Variants in PRKN observed in about 807,000 individuals in gnomAD.
PRKN encodes parkin RBR E3 ubiquitin protein ligase, also known as E3 ubiquitin-protein ligase parkin.
Under a neutral mutation model 59.5 loss-of-function variants are expected in PRKN, and 56 were observed. The ratio of observed to expected loss-of-function variants is 0.94; its 90% confidence interval spans 0.76 to 1.18. The LOEUF is 1.18. Among genes scored for constraint, PRKN ranks in the 50% most tolerant of loss-of-function variants. The probability of loss-of-function intolerance (pLI) is 0.00; values close to 1 mark genes in which losing one functional copy is unlikely to be tolerated. For missense variants in PRKN, 657 were observed against 596.4 expected, an observed-to-expected ratio of 1.10 and a Z score of -1.06; for synonymous variants, 250 against 222.1, an observed-to-expected ratio of 1.13 and a Z score of -1.12.
chr6:162,274,172 A>AATTAATTT (rs1439630044), intron 2 of PRKN, among the ~76,000 whole-genome samples: 11 of 151,494 alleles, frequency 7.3e-5, no homozygotes, highest in African/African-American at 2.2e-4. Context: ...TTAATTTATT[A>AATTAATTT]ATTTATTAAT....
chr6:162,073,902 G>A (rs1285398038), intron 4 of PRKN, among the ~76,000 whole-genome samples: 1 of 152,194 alleles, frequency 6.6e-6, no homozygotes, highest in African/African-American at 2.4e-5. Flanking sequence ...AAAGTCACAT[G>A]GAGAAATGCA....
At chr6:162,125,587 A>G (rs1781093002) in intron 4 of PRKN, among the ~76,000 whole-genome samples, 1 of 152,008 alleles carries the variant, frequency 6.6e-6, no homozygotes, top group African/African-American at 2.4e-5. Context: ...TCCCATACCT[A>G]TTTTCTTGTC....
intron 1 of PRKN, among the ~76,000 whole-genome samples, chr6:162,548,823 T>A (rs1954803): frequency 6.6e-6 from 1 of 152,136 alleles, no homozygotes; most frequent in African/African-American, 2.4e-5. Flanking sequence ...GTTAAATAAC[T>A]TGACATTTTA....
chr6:162,178,256 G>A lies in PRKN; in HGVS notation c.534+22875C>T, dbSNP rs76449029. 9.7e-4 allele frequency among the ~76,000 whole-genome samples: 147 copies of A among 152,288 alleles called. 4 individuals carry two copies. In the East Asian group the frequency reaches 0.023, roughly 24 times the overall value. On this transcript the variant is annotated intron_variant, in intron 4 of 11. Transcript: ENST00000366898. ...TGGATTGTCAAACCCTTACTGCAGA[G>A]AGGACTTTCACAGAAACAGTTCTAT...
chr6:162,628,259 G>A (rs1782975637), intron 1 of PRKN, among the ~76,000 whole-genome samples: 1 of 152,042 alleles, frequency 6.6e-6, no homozygotes, highest in South Asian at 2.1e-4. Context: ...TAAGGTAAAG[G>A]GAACTTAAAC....
chr6:161,352,771 A>ATATATATATATTTTT lies in PRKN; in HGVS notation c.1286-2561_1286-2560insAAAAATATATATATA, dbSNP rs34279714. ...TGTGTGTGTGTATATATATATATATATTTTATTTTATTTTATTTTATTTTT... is the reference window on the plus strand; with the variant it reads ...TGTGTGTGTGTATATATATATATATATATATATATATTTTTTTTTATTTTATTTTATTTTATTTTT... On this transcript the variant is annotated intron_variant, in intron 11 of 11. Transcript: ENST00000366898. The surrounding 1 kb of genome is among the most constrained non-coding windows in gnomAD (Gnocchi z 5.8). Among the ~76,000 whole-genome samples the ATATATATATATTTTT allele has an allele frequency of 3.4e-5, 4 of 116,900 alleles. No individual in the cohort carries two copies. The East Asian group carries it at 6.0e-4, about 18-fold the overall frequency. 76.7% of individuals were successfully genotyped at this position (116,900 alleles called of 152,430 possible). A position where few individuals can be genotyped will look rare whatever the true frequency, so the allele number is the denominator to read the frequency against.
chr6:162,225,542 A>T lies in PRKN; in HGVS notation c.413-24290T>A, dbSNP rs574686091. On this transcript the variant is annotated intron_variant, in intron 3 of 11. Coordinates refer to ENST00000366898, the MANE Select transcript of PRKN (RefSeq NM_004562.3). ...TAATCTAACCTTCTTTTTCATACTA[A>T]CCTGACACTGATGTGGCCAAAGAGA... 2.1e-3 allele frequency among the ~76,000 whole-genome samples: 321 copies of T among 152,270 alleles called. 1 individual carries two copies. Among genetic ancestry groups the T allele is most frequent in the African/African-American group, 7.4e-3 (308 of 41,558 alleles).
intron 1 of PRKN, among the ~76,000 whole-genome samples, chr6:162,590,411 G>A (rs13200053): frequency 0.1 from 15,581 of 152,148 alleles, 940 homozygotes; most frequent in Middle Eastern, 0.19. Flanking sequence ...TTCCAACTTT[G>A]TATCAACCTT....
intron 6 of PRKN, among the ~76,000 whole-genome samples, chr6:161,856,347 T>A (rs763734052): frequency 3.0e-5 from 4 of 134,814 alleles, no homozygotes; most frequent in Non-Finnish European, 6.6e-5. Context: ...TCAATGAGAG[T>A]GAAATGCCAT....
intron 2 of PRKN, among the ~76,000 whole-genome samples, chr6:162,305,936 A>T (rs957060654): frequency 6.6e-6 from 1 of 152,050 alleles, no homozygotes; most frequent in Non-Finnish European, 1.5e-5. Flanking sequence ...TGTTGATATC[A>T]TCTCTTTTCT....
At chr6:162,203,707 C>A (rs974551189) in intron 3 of PRKN, among the ~76,000 whole-genome samples, 1 of 152,144 alleles carries the variant, frequency 6.6e-6, no homozygotes, top group Non-Finnish European at 1.5e-5. Flanking sequence ...ACCTGAGAAA[C>A]CTTTCTTGTG....
At chr6:162,038,395 C>A (rs1191969086) in intron 5 of PRKN, among the ~76,000 whole-genome samples, 2 of 152,110 alleles carry the variant, frequency 1.3e-5, no homozygotes, top group Admixed American at 6.5e-5. Context: ...ATAATAACTA[C>A]AATTTATTGA....
intron 7 of PRKN, among the ~76,000 whole-genome samples, chr6:161,681,221 CA>C: frequency 6.6e-6 from 1 of 152,136 alleles, no homozygotes; most frequent in Non-Finnish European, 1.5e-5. Context: ...CTGTGCCTCC[CA>C]AAGTGCTGGG....
chr6:161,892,112 C>T (rs1234752223), intron 6 of PRKN, among the ~76,000 whole-genome samples: 2 of 152,194 alleles, frequency 1.3e-5, no homozygotes, highest in African/African-American at 4.8e-5. Context: ...AAATTCTCAT[C>T]TTCCCTAAGT....
chr6:162,727,611 C>G, intron 1 of PRKN, 51 bp downstream of exon 1: 5 of 1,559,926 alleles, frequency 3.2e-6, no homozygotes, highest in Non-Finnish European at 2.6e-6. Flanking sequence ...TGGCGCCATA[C>G]CGGGGCGTGG....
At chr6:162,685,395 AT>A (rs1438131399) in intron 1 of PRKN, among the ~76,000 whole-genome samples, 2 of 152,088 alleles carry the variant, frequency 1.3e-5, no homozygotes, top group African/African-American at 2.4e-5. Context: ...AAAAGTATAT[AT>A]TTTTCATACA....
intron 2 of PRKN, among the ~76,000 whole-genome samples, chr6:162,359,931 T>C (rs1182119925): frequency 6.6e-6 from 1 of 152,168 alleles, no homozygotes; most frequent in African/African-American, 2.4e-5. Context: ...CTTTTATAAT[T>C]GGCTTATATT....
intron 1 of PRKN, among the ~76,000 whole-genome samples, chr6:162,548,213 C>T (rs1432096248): frequency 6.6e-6 from 1 of 152,118 alleles, no homozygotes; most frequent in South Asian, 2.1e-4. Flanking sequence ...GTGCACGCCA[C>T]TACGCCCAGC....
intron 10 of PRKN, among the ~76,000 whole-genome samples, chr6:161,366,763 C>A (rs987381572): frequency 6.6e-6 from 1 of 152,100 alleles, no homozygotes. Flanking sequence ...AACTTGTAAC[C>A]AGCCCGGGTG....
Sources: gnomAD v4.1 joint callset for allele counts (sites outside exome capture counted in the v4.1 genomes callset) on GRCh38, gnomAD v4.1.1 for gene constraint, Gnocchi (gnomAD v3.1) non-coding constraint, MANE v1.5 for transcripts, NCBI Gene and HGNC (gene_info 2026-07-23, HGNC 2026-07-21) for gene names.